The following FAM3B variants were observed in gnomAD, a reference collection of about 807,000 sequenced individuals.
FAM3B encodes FAM3 metabolism regulating signaling molecule B, also known as protein FAM3B.
A neutral mutation model predicts 28.4 loss-of-function variants in FAM3B; 29 were observed. The observed-to-expected ratio is 1.02, with a 90% CI of 0.76 to 1.39. The LOEUF is 1.39. Among genes scored for constraint, FAM3B ranks in the 40% most tolerant of loss-of-function variants. FAM3B has a pLI of 0.00. For synonymous variants in FAM3B, 91 were observed against 103.0 expected (o/e 0.88, Z 0.71); for missense variants, 266 against 293.9 (o/e 0.91, Z 0.69).
chr21:41,324,569 G>T (rs964265094), intron 2 of FAM3B, among the ~76,000 whole-genome samples: 5 of 152,220 alleles, frequency 3.3e-5, no homozygotes, highest in African/African-American at 9.6e-5. Context: ...ACACATTCTG[G>T]GACAGACTGA....
intron 2 of FAM3B, among the ~76,000 whole-genome samples, chr21:41,330,273 T>C (rs1242846377): frequency 6.6e-6 from 1 of 152,224 alleles, no homozygotes; most frequent in Admixed American, 6.5e-5. Flanking sequence ...TTTTGGATTT[T>C]GGATTTTCAG....
rs752524374 is a variant in FAM3B, at chr21:41,322,974, CGG to C, written c.74_75del (p.Gly25ValfsTer18). The stretch of plus-strand genomic sequence containing the variant: ...TTCGCCTCCTTGTGTGCCTGGTATT[CGG>C]GGTACCTGCTCGCAGAGCTCATTCC... On this transcript the variant is annotated frameshift_variant, in exon 2 of 8. Transcript: ENST00000357985. LOFTEE classifies it high-confidence loss of function. 1 of 1,612,796 alleles carries C rather than the reference CGG, an allele frequency of 6.2e-7. No individual in the cohort carries two copies. The highest frequency in any genetic ancestry group is 1.3e-5 in the African/African-American group (1 of 74,944).
chr21:41,325,809 T>C (rs1308895323), intron 2 of FAM3B, among the ~76,000 whole-genome samples: 1 of 152,030 alleles, frequency 6.6e-6, no homozygotes, highest in Non-Finnish European at 1.5e-5. Context: ...ACCAGGAGAG[T>C]CCGGACGCAA....
chr21:41,352,729 G>A (rs1379802520), intron 7 of FAM3B, among the ~76,000 whole-genome samples: 1 of 152,022 alleles, frequency 6.6e-6, no homozygotes, highest in Non-Finnish European at 1.5e-5. Context: ...AGAAGGCAGA[G>A]GTTGCAGTGA....
At position 41,357,172 on chromosome 21, in the gene FAM3B, G is replaced by C; in HGVS notation, c.683G>C (p.Gly228Ala). ...SGWPAEIQIE[G>A]CIPKERS is the part of the protein sequence containing the mutation. Reference sequence around the variant, plus strand: ...TGGCCTGCAGAGATCCAGATAGAAGGCTGCATACCCAAAGAACGAAGCTGA... The same window carrying C: ...TGGCCTGCAGAGATCCAGATAGAAGCCTGCATACCCAAAGAACGAAGCTGA... The change falls in exon 8 of 8, where the codon GGC becomes GCC. Residue 228 changes from glycine to alanine, a missense_variant. Gly to Ala is a moderately conservative substitution (Grantham distance 60). Coordinates refer to ENST00000357985, the MANE Select transcript of FAM3B (RefSeq NM_058186.4). 3 of 1,613,438 alleles carry C rather than the reference G, an allele frequency of 1.9e-6. No individual in the cohort carries two copies. The highest frequency in any genetic ancestry group is 2.5e-6 in the Non-Finnish European group (3 of 1,179,628).
chr21:41,323,157 G>A (rs751830270), intron 2 of FAM3B, 91 bp downstream of exon 2: 15 of 1,518,160 alleles, frequency 9.9e-6, no homozygotes, highest in South Asian at 4.8e-5. Context: ...AGGCTGGGGG[G>A]CCCTGACGGC....
intron 2 of FAM3B, among the ~76,000 whole-genome samples, chr21:41,335,871 T>C (rs2088951138): frequency 6.6e-6 from 1 of 152,222 alleles, no homozygotes. Context: ...ATGGATATTT[T>C]GTTGCTGCTG....
At chr21:41,337,292 C>A (rs879754386) in intron 2 of FAM3B, among the ~76,000 whole-genome samples, 1 of 152,172 alleles carries the variant, frequency 6.6e-6, no homozygotes, top group Admixed American at 6.5e-5. Flanking sequence ...GAAGTGAGCA[C>A]AGCACTGTGG....
chr21:41,317,298 G>A (rs1228012258), intron 1 of FAM3B, among the ~76,000 whole-genome samples: 2 of 150,132 alleles, frequency 1.3e-5, no homozygotes, highest in Non-Finnish European at 1.5e-5. Context: ...CCGGGGAAGG[G>A]TACGCGCCTG....
At chr21:41,315,962 G>A (rs1356015399), upstream of FAM3B, among the ~76,000 whole-genome samples, 3 of 152,136 alleles carry the variant, frequency 2.0e-5, no homozygotes, top group South Asian at 2.1e-4. Context: ...TGGGTCTTTC[G>A]CAGACCCTGC....
At chr21:41,317,423 AG>A (rs1300091176) in intron 1 of FAM3B, among the ~76,000 whole-genome samples, 12 of 152,180 alleles carry the variant, frequency 7.9e-5, no homozygotes, top group Non-Finnish European at 1.2e-4. Flanking sequence ...TTGGAAAAAT[AG>A]GAAAAAGGAA....
intron 7 of FAM3B, among the ~76,000 whole-genome samples, chr21:41,356,058 C>T (rs1453102326): frequency 1.4e-5 from 2 of 148,082 alleles, no homozygotes; most frequent in African/African-American, 5.2e-5. Flanking sequence ...CACACACACA[C>T]ACACACACAC....
intron 2 of FAM3B, among the ~76,000 whole-genome samples, chr21:41,333,312 A>G (rs927956357): frequency 5.3e-5 from 8 of 152,172 alleles, no homozygotes; most frequent in East Asian, 1.9e-4. Context: ...GTAATCCTCA[A>G]TGCTGGAGAT....
intron 2 of FAM3B, among the ~76,000 whole-genome samples, chr21:41,335,236 GA>G: frequency 6.6e-6 from 1 of 152,164 alleles, no homozygotes; most frequent in Non-Finnish European, 1.5e-5. Context: ...GGACTATTGG[GA>G]AAGCATCATT....
intron 6 of FAM3B, among the ~76,000 whole-genome samples, chr21:41,347,352 T>C (rs1601372212): frequency 6.6e-6 from 1 of 152,314 alleles, no homozygotes; most frequent in Non-Finnish European, 1.5e-5. Flanking sequence ...AAAGCCACTG[T>C]TGACCATAAT....
intron 2 of FAM3B, among the ~76,000 whole-genome samples, chr21:41,324,899 C>G (rs913015698): frequency 1.3e-5 from 2 of 152,096 alleles, no homozygotes; most frequent in African/African-American, 4.8e-5. Context: ...GTCAAGAGTT[C>G]CAGACCAGCT....
intron 7 of FAM3B, among the ~76,000 whole-genome samples, chr21:41,352,329 C>A (rs2089128199): frequency 6.6e-6 from 1 of 152,182 alleles, no homozygotes. Flanking sequence ...CCTTAAAGAT[C>A]CACCTCAAGG....
chr21:41,356,040 T>TATACAC (rs2089163512), intron 7 of FAM3B, among the ~76,000 whole-genome samples: 2 of 119,970 alleles, frequency 1.7e-5, no homozygotes, highest in East Asian at 4.9e-4. Context: ...AAAAAATACA[T>TATACAC]ACACACACAC....
At chr21:41,322,516 A>G in intron 1 of FAM3B, 1 of 701,394 alleles carries the variant, frequency 1.4e-6, no homozygotes, top group Non-Finnish European at 2.7e-6. Flanking sequence ...TGAAGGTTTC[A>G]ATGTAATTGC....
Sources: allele counts gnomAD v4.1 joint callset (sites outside exome capture counted in the v4.1 genomes callset), GRCh38; gene constraint gnomAD v4.1.1; transcripts MANE v1.5; gene names NCBI Gene and HGNC (gene_info 2026-07-23, HGNC 2026-07-21).